HS3ST4: variants seen among roughly 807,000 people sequenced by gnomAD.
HS3ST4 encodes the protein heparan sulfate-glucosamine 3-sulfotransferase 4.
In HS3ST4, 17 loss-of-function variants were observed where a neutral mutation model predicts 29.2. The observed-to-expected ratio is 0.58, with a 90% CI of 0.40 to 0.87. The LOEUF is 0.87. HS3ST4 is among the 40% of genes least tolerant of loss of function. The probability of loss-of-function intolerance (pLI) is 0.00; values close to 1 mark genes in which losing one functional copy is unlikely to be tolerated. For synonymous variants in HS3ST4, 314 were observed against 285.7 expected, an observed-to-expected ratio of 1.10 and a Z score of -1.00; for missense variants, 627 against 634.5, an observed-to-expected ratio of 0.99 and a Z score of 0.13.
At chr16:25,870,836 G>A (rs573745455) in intron 1 of HS3ST4, among the ~76,000 whole-genome samples, 24 of 151,866 alleles carry the variant, frequency 1.6e-4, no homozygotes, top group Non-Finnish European at 3.2e-4. Context: ...GTGTAGGTGG[G>A]AAGGAGTGCT....
At chr16:25,709,009 T>TA in intron 1 of HS3ST4, among the ~76,000 whole-genome samples, 1 of 152,180 alleles carries the variant, frequency 6.6e-6, no homozygotes, top group East Asian at 1.9e-4. Flanking sequence ...AAATCCAAGG[T>TA]AAAATCTGAA....
At chr16:26,119,302 C>T (rs949179746) in intron 1 of HS3ST4, among the ~76,000 whole-genome samples, 9 of 152,160 alleles carry the variant, frequency 5.9e-5, no homozygotes, top group African/African-American at 1.9e-4. Context: ...GCCATTAGAG[C>T]AGTCAAGGCT....
intron 1 of HS3ST4, among the ~76,000 whole-genome samples, chr16:26,106,743 C>T (rs1567313541): frequency 6.6e-6 from 1 of 152,230 alleles, no homozygotes; most frequent in South Asian, 2.1e-4. Flanking sequence ...TCTTCCTGTG[C>T]TGTTCCCCTA....
At chr16:25,884,260 T>C (rs1216095765) in intron 1 of HS3ST4, among the ~76,000 whole-genome samples, 2 of 152,192 alleles carry the variant, frequency 1.3e-5, no homozygotes, top group African/African-American at 4.8e-5. Context: ...GGCATGGCTA[T>C]TGTACATGCT....
chr16:25,795,452 T>C (rs1966881795), intron 1 of HS3ST4, among the ~76,000 whole-genome samples: 1 of 152,216 alleles, frequency 6.6e-6, no homozygotes, highest in Non-Finnish European at 1.5e-5. Context: ...ATTTTATTCC[T>C]TTTTATTTAA....
At chr16:25,804,830 G>A (rs1342941186) in intron 1 of HS3ST4, among the ~76,000 whole-genome samples, 1 of 152,096 alleles carries the variant, frequency 6.6e-6, no homozygotes, top group Non-Finnish European at 1.5e-5. Context: ...ATGATGAAAC[G>A]AGATAATGTG....
intron 1 of HS3ST4, among the ~76,000 whole-genome samples, chr16:25,901,639 A>C (rs909335672): frequency 1.3e-5 from 2 of 152,100 alleles, no homozygotes; most frequent in Non-Finnish European, 2.9e-5. Context: ...GTGCCACTGC[A>C]CTCCATCCTG....
chr16:25,771,414 G>A (rs1464066341), intron 1 of HS3ST4, among the ~76,000 whole-genome samples: 3 of 152,040 alleles, frequency 2.0e-5, no homozygotes, highest in Non-Finnish European at 4.4e-5. Flanking sequence ...CCACAGGACA[G>A]CTCCCTGTTG....
intron 1 of HS3ST4, among the ~76,000 whole-genome samples, chr16:25,914,759 G>A (rs543979491): frequency 4.3e-4 from 66 of 151,930 alleles, no homozygotes; most frequent in Non-Finnish European, 8.8e-4. Flanking sequence ...AGCGGAGGGC[G>A]GGTCTGGAGC....
chr16:25,917,955 C>T (rs1311616357), intron 1 of HS3ST4, among the ~76,000 whole-genome samples: 1 of 152,168 alleles, frequency 6.6e-6, no homozygotes, highest in African/African-American at 2.4e-5. Context: ...TTTATTGATT[C>T]ACCCCATCCA....
intron 1 of HS3ST4, among the ~76,000 whole-genome samples, chr16:26,060,553 T>C (rs1401779638): frequency 2.6e-5 from 4 of 152,140 alleles, no homozygotes; most frequent in African/African-American, 9.6e-5. Flanking sequence ...ATAGCAGACA[T>C]TGGTCATCAA....
intron 1 of HS3ST4, among the ~76,000 whole-genome samples, chr16:26,086,002 T>C (rs1056727476): frequency 6.6e-6 from 1 of 152,154 alleles, no homozygotes; most frequent in African/African-American, 2.4e-5. Context: ...CATCAACTCA[T>C]CTCTCTGACC....
intron 1 of HS3ST4, among the ~76,000 whole-genome samples, chr16:26,118,555 G>C (rs779250382): frequency 1.3e-5 from 2 of 152,192 alleles, no homozygotes; most frequent in African/African-American, 4.8e-5. Flanking sequence ...AATGCAGCTA[G>C]TGTAACTGAT....
intron 1 of HS3ST4, among the ~76,000 whole-genome samples, chr16:25,811,893 G>A (rs1244044146): frequency 6.6e-6 from 1 of 152,182 alleles, no homozygotes; most frequent in Non-Finnish European, 1.5e-5. Flanking sequence ...GTTGTATGTA[G>A]ATTTCTGACT....
rs1390350529 is a variant in HS3ST4 at position 25,692,414 on chromosome 16, C to T, written c.-4C>T. 32 of 997,530 alleles carry T rather than the reference C, an allele frequency of 3.2e-5. No individual in the cohort carries two copies. Among genetic ancestry groups the T allele is most frequent in the African/African-American group, 1.1e-4 (6 of 56,810 alleles). The allele number at this position is 997,530 out of a possible 1,614,324, so 61.8% of individuals were successfully genotyped here. A position where few individuals can be genotyped will look rare whatever the true frequency, so the allele number is the denominator to read the frequency against. ...GCCGCCGCCGCCGCGAGCCGGGAGC[C>T]GCGATGGCCCGGTGGCCCGCACCTC... On this transcript the variant is annotated 5_prime_UTR_variant, in exon 1 of 2. Transcript: ENST00000331351.
At chr16:25,985,465 T>C (rs1969052432) in intron 1 of HS3ST4, among the ~76,000 whole-genome samples, 1 of 152,084 alleles carries the variant, frequency 6.6e-6, no homozygotes, top group Non-Finnish European at 1.5e-5. Context: ...AACTTGGTAA[T>C]GGTGGAAGAC....
chr16:25,903,132 C>G (rs1968135363), intron 1 of HS3ST4, among the ~76,000 whole-genome samples: 1 of 151,698 alleles, frequency 6.6e-6, no homozygotes, highest in Admixed American at 6.6e-5. Context: ...CTGGAGTCTA[C>G]AGCATCTTAC....
chr16:26,049,525 G>C (rs144841597), intron 1 of HS3ST4, among the ~76,000 whole-genome samples: 28 of 151,686 alleles, frequency 1.8e-4, no homozygotes, highest in African/African-American at 6.8e-4. Flanking sequence ...GAAAAACACA[G>C]TTTTTCCTCT....
chr16:25,855,446 T>C (rs1242589188), intron 1 of HS3ST4, among the ~76,000 whole-genome samples: 1 of 152,226 alleles, frequency 6.6e-6, no homozygotes. Context: ...CAGGGCCATT[T>C]CAAAATATGT....
Sources: allele counts gnomAD v4.1 joint callset (sites outside exome capture counted in the v4.1 genomes callset), GRCh38; gene constraint gnomAD v4.1.1; transcripts MANE v1.5; gene names NCBI Gene and HGNC (gene_info 2026-07-23, HGNC 2026-07-21).